Variants in CACNA2D1 observed in about 807,000 individuals in gnomAD.
CACNA2D1 encodes calcium voltage-gated channel auxiliary subunit alpha2delta 1.
A neutral mutation model predicts 171.5 loss-of-function variants in CACNA2D1; 53 were observed. That is an observed-to-expected ratio of 0.31 (90% CI 0.25 to 0.39). CACNA2D1 has a LOEUF of 0.39. CACNA2D1 is among the 10% of genes least tolerant of loss of function. The pLI is 1.00. For synonymous variants in CACNA2D1, 442 were observed against 443.1 expected, an observed-to-expected ratio of 1.00 and a Z score of 0.03; for missense variants, 903 against 1,299.8, an observed-to-expected ratio of 0.69 and a Z score of 4.69.
At chr7:82,186,475 C>G (rs914067520) in intron 3 of CACNA2D1, among the ~76,000 whole-genome samples, 7 of 152,098 alleles carry the variant, frequency 4.6e-5, no homozygotes, top group African/African-American at 1.7e-4. Context: ...ATGTATGTTA[C>G]AGAGCAAAGT....
chr7:82,386,159 T>A (rs553659844), intron 1 of CACNA2D1, among the ~76,000 whole-genome samples: 44 of 152,224 alleles, frequency 2.9e-4, no homozygotes, highest in Non-Finnish European at 3.2e-4. Context: ...AAGCAGCAAT[T>A]CTGCCTGTTG....
rs117355173 is a variant in CACNA2D1 at position 82,003,102 on chromosome 7, A to T, written c.1590+2321T>A. Among the ~76,000 whole-genome samples, 5 of 152,228 alleles carry T rather than the reference A, an allele frequency of 3.3e-5. No homozygotes were observed. The East Asian group carries it at 9.6e-4, about 29-fold the overall frequency. On this transcript the variant is annotated intron_variant, in intron 18 of 38. Transcript: ENST00000356860. ...TCATCCTTTTATGAGGTCTTGTATC[A>T]ATCTGTATAGCGTGCTCCTTTAGCC...
At chr7:82,258,912 C>T (rs1238942199) in intron 3 of CACNA2D1, among the ~76,000 whole-genome samples, 1 of 144,790 alleles carries the variant, frequency 6.9e-6, no homozygotes, top group Non-Finnish European at 1.5e-5. Flanking sequence ...CCTGCAACCT[C>T]CGCCTCCCAG....
chr7:82,023,469 C>T (rs1316816359), intron 12 of CACNA2D1, among the ~76,000 whole-genome samples: 1 of 151,710 alleles, frequency 6.6e-6, no homozygotes, highest in African/African-American at 2.4e-5. Context: ...ATCAGGCCTA[C>T]CTGGATTGCT....
At chr7:82,175,060 C>A (rs1585005112) in intron 3 of CACNA2D1, among the ~76,000 whole-genome samples, 1 of 150,880 alleles carries the variant, frequency 6.6e-6, no homozygotes, top group East Asian at 1.9e-4. Context: ...TATATTTTTC[C>A]AAAAAAAAGA....
At chr7:82,281,053 C>T (rs2129373528) in intron 3 of CACNA2D1, among the ~76,000 whole-genome samples, 1 of 152,252 alleles carries the variant, frequency 6.6e-6, no homozygotes, top group African/African-American at 2.4e-5. Context: ...CAAGGAAGTC[C>T]AGATGTAAAG....
At chr7:82,035,029 C>T (rs531937577) in intron 11 of CACNA2D1, among the ~76,000 whole-genome samples, 7 of 152,060 alleles carry the variant, frequency 4.6e-5, no homozygotes, top group South Asian at 2.1e-4. Context: ...AATCACACAG[C>T]GACAACAATT....
chr7:82,165,301 A>G (rs905441763), intron 4 of CACNA2D1, among the ~76,000 whole-genome samples: 6 of 152,054 alleles, frequency 3.9e-5, no homozygotes, highest in African/African-American at 1.4e-4. Flanking sequence ...ATCACAGGAC[A>G]TATCATCATG....
At chr7:82,257,922 A>G (rs1806494441) in intron 3 of CACNA2D1, among the ~76,000 whole-genome samples, 1 of 152,204 alleles carries the variant, frequency 6.6e-6, no homozygotes, top group Non-Finnish European at 1.5e-5. Flanking sequence ...ATAAATGCAT[A>G]AACTTTGAGG....
intron 3 of CACNA2D1, among the ~76,000 whole-genome samples, chr7:82,202,498 T>G (rs1463104301): frequency 1.3e-5 from 2 of 152,090 alleles, no homozygotes; most frequent in Non-Finnish European, 2.9e-5. Flanking sequence ...TGGGCGGCAG[T>G]AGATGGGTCC....
intron 3 of CACNA2D1, among the ~76,000 whole-genome samples, chr7:82,260,362 T>C (rs1806911343): frequency 6.6e-6 from 1 of 152,206 alleles, no homozygotes; most frequent in African/African-American, 2.4e-5. Flanking sequence ...GTAATACAAG[T>C]ACTTTTTCCA....
intron 2 of CACNA2D1, among the ~76,000 whole-genome samples, chr7:82,339,258 C>T (rs1273419485): frequency 6.6e-6 from 1 of 152,144 alleles, no homozygotes; most frequent in African/African-American, 2.4e-5. Context: ...AATGTCAGCT[C>T]ATAAGCAAGT....
At chr7:81,983,000 A>G (rs2130643301) in intron 23 of CACNA2D1, among the ~76,000 whole-genome samples, 1 of 152,308 alleles carries the variant, frequency 6.6e-6, no homozygotes, top group South Asian at 2.1e-4. Context: ...ATGATCCAGA[A>G]AATGATGTTA....
intron 10 of CACNA2D1, 76 bp downstream of exon 10, chr7:82,060,352 G>C: frequency 1.0e-6 from 1 of 953,068 alleles, no homozygotes; most frequent in South Asian, 1.3e-5. Flanking sequence ...TAAGATAAAA[G>C]TATAAAGTAC....
At chr7:82,090,251 A>G (rs1001272412) in intron 6 of CACNA2D1, among the ~76,000 whole-genome samples, 2 of 152,082 alleles carry the variant, frequency 1.3e-5, no homozygotes, top group African/African-American at 4.8e-5. Context: ...GAATCTTTGT[A>G]CCCTTACCTA....
chr7:82,079,988 A>G (rs1031692260), intron 7 of CACNA2D1, among the ~76,000 whole-genome samples: 5 of 151,032 alleles, frequency 3.3e-5, no homozygotes, highest in African/African-American at 1.2e-4. Flanking sequence ...TTATCTTTCA[A>G]TTTTTAATTT....
intron 18 of CACNA2D1, among the ~76,000 whole-genome samples, chr7:81,999,625 CA>C (rs1798386162): frequency 6.6e-6 from 1 of 152,074 alleles, no homozygotes; most frequent in Non-Finnish European, 1.5e-5. Context: ...AAAAATAAAA[CA>C]GACCATTTTC....
intron 21 of CACNA2D1, among the ~76,000 whole-genome samples, chr7:81,989,496 AT>A (rs1797311940): frequency 6.6e-6 from 1 of 152,162 alleles, no homozygotes; most frequent in Non-Finnish European, 1.5e-5. Flanking sequence ...TGGAAAGCAA[AT>A]TCATCACCTG....
chr7:82,166,912 C>T (rs1441082257), intron 4 of CACNA2D1, among the ~76,000 whole-genome samples: 1 of 152,040 alleles, frequency 6.6e-6, no homozygotes, highest in African/African-American at 2.4e-5. Flanking sequence ...TTGTTGCCAG[C>T]ATATTAGTGC....
Sources: gnomAD v4.1 joint callset for allele counts (sites outside exome capture counted in the v4.1 genomes callset) on GRCh38, gnomAD v4.1.1 for gene constraint, MANE v1.5 for transcripts, NCBI Gene and HGNC (gene_info 2026-07-23, HGNC 2026-07-21) for gene names.